GFRA1: variants seen among roughly 807,000 people sequenced by gnomAD.
GFRA1 encodes GDNF family receptor alpha 1.
A neutral mutation model predicts 51.6 loss-of-function variants in GFRA1; 16 were observed. That is an observed-to-expected ratio of 0.31 (90% CI 0.21 to 0.47). The LOEUF is 0.47. Ranked by LOEUF, GFRA1 falls within the 20% of genes least tolerant of loss-of-function variation. The probability of loss-of-function intolerance (pLI) is 1.00; values close to 1 mark genes in which losing one functional copy is unlikely to be tolerated. For synonymous variants in GFRA1, 270 were observed against 241.3 expected (o/e 1.12, Z -1.10); for missense variants, 530 against 594.3 (o/e 0.89, Z 1.13).
In GFRA1 at chr10:116,155,673, G is replaced by A. The variant is rs551399935; in HGVS notation, c.434-30116C>T. Among the ~76,000 whole-genome samples, 17 of 152,286 alleles carry A rather than the reference G, an allele frequency of 1.1e-4. 1 individual carries two copies. The highest frequency in any genetic ancestry group is 9.8e-4 in the Admixed American group (15 of 15,296). On this transcript the variant is annotated intron_variant, in intron 5 of 10. Coordinates refer to ENST00000355422, the MANE Select transcript of GFRA1 (RefSeq NM_005264.8). ...AAGGCAAAGCTTGGAAACCAATGCT[G>A]AGGAAAATGGGAAGGAGCACAATTA... is the stretch of plus-strand genomic sequence containing the variant.
At chr10:116,072,202 C>G (rs1955431178) in intron 9 of GFRA1, among the ~76,000 whole-genome samples, 1 of 151,936 alleles carries the variant, frequency 6.6e-6, no homozygotes, top group African/African-American at 2.4e-5. Flanking sequence ...AGCAAAAATA[C>G]CAACTACAAC....
chr10:116,163,222 T>C (rs1329147742), intron 5 of GFRA1, among the ~76,000 whole-genome samples: 2 of 152,202 alleles, frequency 1.3e-5, no homozygotes, highest in African/African-American at 4.8e-5. Flanking sequence ...CATAACCCCG[T>C]GCTCCATTAA....
At chr10:116,149,136 CAGG>C (rs1378312893) in intron 5 of GFRA1, among the ~76,000 whole-genome samples, 27 of 152,218 alleles carry the variant, frequency 1.8e-4, no homozygotes, top group African/African-American at 6.5e-4. Flanking sequence ...TCCTGGAAAA[CAGG>C]AGATGTTATA....
At chr10:116,171,409 A>G (rs900546094) in intron 5 of GFRA1, among the ~76,000 whole-genome samples, 1 of 152,224 alleles carries the variant, frequency 6.6e-6, no homozygotes, top group East Asian at 1.9e-4. Context: ...AGACCCAACT[A>G]TAATTTTAAT....
rs1482847852 is a variant in GFRA1, at chr10:116,063,066, G to GTT, written c.*1331_*1332insAA. 6.6e-6 allele frequency: 1 copy of GTT among 152,258 alleles called. No individual in the cohort carries two copies. Among genetic ancestry groups the GTT allele is most frequent in the African/African-American group, 2.4e-5 (1 of 41,468 alleles). The allele number at this position is 152,258 out of a possible 1,614,324, so 9.4% of individuals were successfully genotyped here. A position where few individuals can be genotyped will look rare whatever the true frequency, so the allele number is the denominator to read the frequency against. The stretch of plus-strand genomic sequence containing the variant: ...AGTGGCCAAGACGTTGCAGTCAGGA[G>GTT]TAAACACAATCCTTAGGAAAAGAAC... On this transcript the variant is annotated 3_prime_UTR_variant, in exon 11 of 11. Coordinates refer to ENST00000355422, the MANE Select transcript of GFRA1 (RefSeq NM_005264.8).
intron 5 of GFRA1, among the ~76,000 whole-genome samples, chr10:116,139,665 C>A (rs1350019929): frequency 1.3e-5 from 2 of 152,192 alleles, no homozygotes; most frequent in Admixed American, 1.3e-4. Flanking sequence ...CCGGGACATG[C>A]CAGAGGGCAA....
chr10:116,137,242 C>T (rs1446833429), intron 5 of GFRA1, among the ~76,000 whole-genome samples: 5 of 152,026 alleles, frequency 3.3e-5, no homozygotes, highest in East Asian at 3.9e-4. Flanking sequence ...ATTCTAAAGC[C>T]AAAGAATCAG....
In GFRA1 at chr10:116,226,208, C is replaced by T. The variant is rs375070836; in HGVS notation, c.419-14563G>A. On this transcript the variant is annotated intron_variant, in intron 4 of 10. Transcript: ENST00000355422. Reference sequence around the variant, plus strand: ...GGAGGCACAAACAGTCCCTTGTTTGCTGCCCTCTGCCAACTGGATCCTTGA... The same window carrying T: ...GGAGGCACAAACAGTCCCTTGTTTGTTGCCCTCTGCCAACTGGATCCTTGA... Among the ~76,000 whole-genome samples the T allele has an allele frequency of 2.9e-4, 44 of 152,324 alleles. No homozygotes were observed. In the Middle Eastern group the frequency reaches 0.01, roughly 35 times the overall value.
intron 5 of GFRA1, among the ~76,000 whole-genome samples, chr10:116,133,725 GGCCTCTCCGCGGTCT>G (rs1425070218): frequency 6.6e-6 from 1 of 152,242 alleles, no homozygotes; most frequent in African/African-American, 2.4e-5. Context: ...TGGAGGCGCT[GGCCTCTCCGCGGTCT>G]GCGGCTCCAA....
At chr10:116,176,726 CTCCTTCCT>C (rs66897810) in intron 5 of GFRA1, among the ~76,000 whole-genome samples, 8 of 130,518 alleles carry the variant, frequency 6.1e-5, no homozygotes, top group East Asian at 2.3e-4. Context: ...CCCTCCCTCC[CTCCTTCCT>C]TCCTTCCTTC....
At chr10:116,242,074 A>G (rs190399860) in intron 4 of GFRA1, among the ~76,000 whole-genome samples, 1 of 152,360 alleles carries the variant, frequency 6.6e-6, no homozygotes, top group East Asian at 1.9e-4. Flanking sequence ...CTCAACTGAA[A>G]TACCCAGAAA....
intron 4 of GFRA1, among the ~76,000 whole-genome samples, chr10:116,267,425 C>T (rs1244998590): frequency 1.3e-5 from 2 of 152,148 alleles, no homozygotes; most frequent in Non-Finnish European, 2.9e-5. Flanking sequence ...GAGATCATGC[C>T]ACTGCACTCC....
intron 9 of GFRA1, among the ~76,000 whole-genome samples, chr10:116,073,072 C>T (rs1423640103): frequency 5.9e-5 from 9 of 152,108 alleles, no homozygotes. Flanking sequence ...ATCTGTGATT[C>T]CTCAGATTCA....
At chr10:116,120,930 C>T (rs1028339764) in intron 6 of GFRA1, among the ~76,000 whole-genome samples, 4 of 152,150 alleles carry the variant, frequency 2.6e-5, no homozygotes, top group Admixed American at 2.0e-4. Flanking sequence ...TACCGGCAAG[C>T]GGGCGGCTTC....
Position 116,106,261 on chromosome 10 carries a change from T to C in GFRA1, c.771-9497A>G, listed in dbSNP as rs149347199. ...TCAGTAAGAGAATAAATGTGTGTTGTTTGAAGTTTGTGGTAATTTGTTAAC... is the reference window on the plus strand; with the variant it reads ...TCAGTAAGAGAATAAATGTGTGTTGCTTGAAGTTTGTGGTAATTTGTTAAC... On this transcript the variant is annotated intron_variant, in intron 6 of 10. Transcript: ENST00000355422. 7.2e-5 allele frequency among the ~76,000 whole-genome samples: 11 copies of C among 152,292 alleles called. No individual in the cohort carries two copies. In the East Asian group the frequency reaches 2.1e-3, roughly 29 times the overall value.
chr10:116,212,937 G>A (rs192294306), intron 4 of GFRA1, among the ~76,000 whole-genome samples: 5 of 152,052 alleles, frequency 3.3e-5, no homozygotes, highest in East Asian at 1.9e-4. Flanking sequence ...TGCTTATACC[G>A]CCTCCCACTC....
At chr10:116,186,790 T>C (rs1199675438) in intron 5 of GFRA1, among the ~76,000 whole-genome samples, 1 of 152,136 alleles carries the variant, frequency 6.6e-6, no homozygotes, top group Non-Finnish European at 1.5e-5. Context: ...GAGAATACCA[T>C]ATTTATAAGG....
At chr10:116,157,974 T>A (rs779031519) in intron 5 of GFRA1, among the ~76,000 whole-genome samples, 5 of 152,190 alleles carry the variant, frequency 3.3e-5, no homozygotes, top group Non-Finnish European at 7.3e-5. Flanking sequence ...AGTCCTCCAT[T>A]CCTTACTCTT....
Position 116,201,183 on chromosome 10 carries a change from A to G in GFRA1, c.433+10448T>C, listed in dbSNP as rs1463842238. On this transcript the variant is annotated intron_variant, in intron 5 of 10. Transcript: ENST00000355422. ...GGTGGAATTCCATCCACTCAGGGGT[A>G]TAATATTCATGCTGATTGGGAGTGC... 2.0e-5 allele frequency among the ~76,000 whole-genome samples: 3 copies of G among 152,138 alleles called. No homozygotes were observed. The East Asian group carries it at 5.8e-4, about 29-fold the overall frequency.
Sources: gnomAD v4.1 joint callset for allele counts (sites outside exome capture counted in the v4.1 genomes callset) on GRCh38, gnomAD v4.1.1 for gene constraint, MANE v1.5 for transcripts, NCBI Gene and HGNC (gene_info 2026-07-23, HGNC 2026-07-21) for gene names.